ATF7IP2: variants seen among roughly 807,000 people sequenced by gnomAD.
ATF7IP2 encodes the protein activating transcription factor 7 interacting protein 2.
ATF7IP2 carries 42 observed loss-of-function variants against 64.2 expected under a neutral mutation model. The observed-to-expected ratio is 0.65, with a 90% CI of 0.51 to 0.85. ATF7IP2 has a LOEUF of 0.85. Ranked by LOEUF, ATF7IP2 falls within the 40% of genes least tolerant of loss-of-function variation. The pLI is 0.00. For missense variants in ATF7IP2, 933 were observed against 784.2 expected, an observed-to-expected ratio of 1.19 and a Z score of -2.27; for synonymous variants, 308 against 272.8, an observed-to-expected ratio of 1.13 and a Z score of -1.27.
At chr16:10,412,568 T>A (rs892710708) in intron 1 of ATF7IP2, among the ~76,000 whole-genome samples, 1 of 152,210 alleles carries the variant, frequency 6.6e-6, no homozygotes, top group Non-Finnish European at 1.5e-5. Flanking sequence ...TTTTATTAAA[T>A]TTATTGAGGC....
chr16:10,390,582 GACCC>G (rs2141731048), intron 1 of ATF7IP2, among the ~76,000 whole-genome samples: 4 of 152,244 alleles, frequency 2.6e-5, no homozygotes, highest in African/African-American at 9.6e-5. Context: ...AGGAGTTTGA[GACCC>G]ACCTGGGTAA....
chr16:10,387,508 G>A (rs2047225565), intron 1 of ATF7IP2: 1 of 152,190 alleles, frequency 6.6e-6, no homozygotes, highest in South Asian at 2.1e-4. Flanking sequence ...CATCTTGAAT[G>A]TTCTGCTTTC....
intron 1 of ATF7IP2, among the ~76,000 whole-genome samples, chr16:10,400,871 A>G (rs933482359): frequency 3.3e-5 from 5 of 152,018 alleles, no homozygotes; most frequent in Non-Finnish European, 7.4e-5. Flanking sequence ...CAGTAGAGAC[A>G]GGGTTTCGCC....
Position 10,392,134 on chromosome 16 carries a change from A to AC in ATF7IP2, c.-242+6017dup, listed in dbSNP as rs2047339191. ...ACGGGCAAGATCTCAGCTCACTGCA[A>AC]CCCCCACCCCCCAGGTTCAAGTGAT... On this transcript the variant is annotated intron_variant, in intron 1 of 13. Coordinates refer to ENST00000562102, the MANE Select transcript of ATF7IP2 (RefSeq NM_001393719.1). Among the ~76,000 whole-genome samples, 4 of 146,024 alleles carry AC rather than the reference A, an allele frequency of 2.7e-5. No homozygotes were observed. The Admixed American group carries it at 2.8e-4, about 10-fold the overall frequency.
At chr16:10,402,276 T>A (rs906853450) in intron 1 of ATF7IP2, among the ~76,000 whole-genome samples, 13 of 152,146 alleles carry the variant, frequency 8.5e-5, no homozygotes, top group Admixed American at 8.5e-4. Flanking sequence ...TAGTATGTCG[T>A]TTTTCTATTT....
intron 1 of ATF7IP2, among the ~76,000 whole-genome samples, chr16:10,392,189 C>G (rs977041591): frequency 6.6e-6 from 1 of 151,506 alleles, no homozygotes; most frequent in Non-Finnish European, 1.5e-5. Flanking sequence ...AAGTAGCACC[C>G]GCCACCATGC....
intron 2 of ATF7IP2, among the ~76,000 whole-genome samples, chr16:10,416,336 A>C (rs1252386395): frequency 2.6e-5 from 4 of 152,230 alleles, no homozygotes; most frequent in Admixed American, 2.6e-4. Context: ...TCTTCAGTGA[A>C]ATAAGCCAGG....
At chr16:10,436,688 G>GA (rs1482807265) in intron 6 of ATF7IP2, among the ~76,000 whole-genome samples, 1 of 151,882 alleles carries the variant, frequency 6.6e-6, no homozygotes, top group African/African-American at 2.4e-5. Context: ...GATACTGGAG[G>GA]AAAAAATATA....
At chr16:10,433,816 C>A (rs951277814) in intron 6 of ATF7IP2, among the ~76,000 whole-genome samples, 167 bp downstream of exon 6, 1 of 152,198 alleles carries the variant, frequency 6.6e-6, no homozygotes, top group Non-Finnish European at 1.5e-5. Flanking sequence ...TAACTACTTA[C>A]ATTACCAAAA....
At chr16:10,400,435 A>G (rs2047505887) in intron 1 of ATF7IP2, among the ~76,000 whole-genome samples, 1 of 152,222 alleles carries the variant, frequency 6.6e-6, no homozygotes, top group East Asian at 1.9e-4. Flanking sequence ...AAGATCATAT[A>G]TCATCAGCAA....
At chr16:10,479,958 CTTTTTTTTTTTTTTTTTTTTTTTT>C (rs201158427) in intron 12 of ATF7IP2, among the ~76,000 whole-genome samples, 2,449 of 80,588 alleles carry the variant, frequency 0.03, 101 homozygotes, top group African/African-American at 0.1. Flanking sequence ...ACTGGAAATA[CTTTTTTTTTTTTTTTTTTTTTTTT>C]TTTTTTTTTT....
Position 10,428,892 on chromosome 16 carries a change from G to C in ATF7IP2, c.-135G>C, listed in dbSNP as rs575480939. ...GGAATCCTGCTTTTTTTTTTTCTTT[G>C]AGACACGGTCTCACTCTGTCACCCT... On this transcript the variant is annotated 5_prime_UTR_variant, in exon 4 of 14. Coordinates refer to ENST00000562102, the MANE Select transcript of ATF7IP2 (RefSeq NM_001393719.1). The C allele has an allele frequency of 9.2e-5, 13 of 140,808 alleles. 1 individual carries two copies. In the South Asian group the frequency reaches 3.0e-3, roughly 33 times the overall value. The allele number at this position is 140,808 out of a possible 1,614,324, so 8.7% of individuals were successfully genotyped here.
intron 8 of ATF7IP2, among the ~76,000 whole-genome samples, chr16:10,452,385 T>C (rs900311678): frequency 1.3e-4 from 20 of 152,206 alleles, no homozygotes; most frequent in African/African-American, 4.6e-4. Flanking sequence ...GGTGCAGGTC[T>C]GCTTGAGGTC....
At chr16:10,436,973 A>G (rs2048440398) in intron 6 of ATF7IP2, among the ~76,000 whole-genome samples, 2 of 151,134 alleles carry the variant, frequency 1.3e-5, no homozygotes, top group Non-Finnish European at 1.5e-5. Context: ...GGCATGCATT[A>G]TGGCAGATAA....
intron 3 of ATF7IP2, among the ~76,000 whole-genome samples, chr16:10,425,768 C>G (rs572358219): frequency 1.3e-5 from 2 of 152,072 alleles, no homozygotes; most frequent in African/African-American, 4.8e-5. Context: ...TGCCACACGC[C>G]TATAATCCCA....
intron 9 of ATF7IP2, among the ~76,000 whole-genome samples, chr16:10,466,828 C>G (rs879709213): frequency 1.3e-5 from 2 of 151,826 alleles, no homozygotes; most frequent in Non-Finnish European, 2.9e-5. Context: ...GATGAATGCT[C>G]TATCTTTTTT....
intron 13 of ATF7IP2, among the ~76,000 whole-genome samples, chr16:10,481,550 C>G (rs1202794383): frequency 2.6e-5 from 4 of 152,158 alleles, no homozygotes; most frequent in African/African-American, 9.7e-5. Context: ...CATGCTGACA[C>G]TTTTCATGTA....
chr16:10,450,023 TG>T (rs2048935564), intron 8 of ATF7IP2, among the ~76,000 whole-genome samples: 1 of 152,236 alleles, frequency 6.6e-6, no homozygotes, highest in African/African-American at 2.4e-5. Flanking sequence ...ATTGTGTCTT[TG>T]GTCCCATTGG....
At chr16:10,475,372 T>C (rs772422533) in intron 12 of ATF7IP2, among the ~76,000 whole-genome samples, 2 of 151,896 alleles carry the variant, frequency 1.3e-5, no homozygotes, top group African/African-American at 2.4e-5. Context: ...AAGAAACCAA[T>C]AGTGGAGATA....
Sources: allele counts gnomAD v4.1 joint callset (sites outside exome capture counted in the v4.1 genomes callset), GRCh38; gene constraint gnomAD v4.1.1; transcripts MANE v1.5; gene names NCBI Gene and HGNC (gene_info 2026-07-23, HGNC 2026-07-21).